The following CPEB1 variants were observed in gnomAD, a reference collection of about 807,000 sequenced individuals.
CPEB1 encodes cytoplasmic polyadenylation element-binding protein 1.
A neutral mutation model predicts 65.8 loss-of-function variants in CPEB1; 7 were observed. That is an observed-to-expected ratio of 0.11 (90% confidence interval 0.06 to 0.20). The LOEUF is 0.20. Among genes scored for constraint, CPEB1 ranks in the 10% least tolerant of loss-of-function variants. The pLI is 1.00. For missense variants in CPEB1, 551 were observed against 712.2 expected (o/e 0.77, Z 2.58); for synonymous variants, 262 against 260.0 (o/e 1.01, Z -0.08).
rs114690875 is a variant in CPEB1 at position 82,591,796 on chromosome 15, C to T, written c.272-20264G>A. 2.4e-3 allele frequency among the ~76,000 whole-genome samples: 355 copies of T among 150,988 alleles called. 3 individuals carry two copies. The highest frequency in any genetic ancestry group is 8.2e-3 in the African/African-American group (339 of 41,120). On this transcript the variant is annotated intron_variant, in intron 3 of 12. Coordinates refer to ENST00000684509, the MANE Select transcript of CPEB1 (RefSeq NM_001365242.1). ...CATACAATATTTAAAAATTTTTTCA[C>T]TTAGCATGTTTTTAAGATTCATCAT...
intron 3 of CPEB1, among the ~76,000 whole-genome samples, chr15:82,605,217 TACA>T (rs1302702817): frequency 6.6e-6 from 1 of 152,156 alleles, no homozygotes; most frequent in African/African-American, 2.4e-5. Flanking sequence ...AGACCTCCCC[TACA>T]ACAAATACTA....
At chr15:82,554,301 A>G (rs2036803533) in intron 6 of CPEB1, among the ~76,000 whole-genome samples, 2 of 152,192 alleles carry the variant, frequency 1.3e-5, no homozygotes, top group Admixed American at 1.3e-4. Context: ...GCTAACCACA[A>G]AGCAGTTTTA....
intron 3 of CPEB1, among the ~76,000 whole-genome samples, chr15:82,591,158 C>T (rs1462277764): frequency 6.6e-6 from 1 of 152,144 alleles, no homozygotes; most frequent in Admixed American, 6.5e-5. Flanking sequence ...TCCCTTTTCC[C>T]CCCCGCCACA....
intron 9 of CPEB1, among the ~76,000 whole-genome samples, chr15:82,550,960 C>A (rs576525127): frequency 6.6e-6 from 1 of 152,120 alleles, no homozygotes; most frequent in Admixed American, 6.5e-5. Flanking sequence ...TCTACAGGGG[C>A]ACTGAGGAGG....
At chr15:82,552,755 G>C (rs182628216) in intron 8 of CPEB1, 139 bp from the exon 9 acceptor site, 4 of 919,860 alleles carry the variant, frequency 4.3e-6, no homozygotes, top group Non-Finnish European at 6.7e-6. Flanking sequence ...CTGAAAAGTC[G>C]TGTTGAGTGG....
chr15:82,610,686 G>A (rs576952351), intron 3 of CPEB1, among the ~76,000 whole-genome samples: 71 of 151,820 alleles, frequency 4.7e-4, no homozygotes, highest in Non-Finnish European at 8.7e-4. Context: ...GGCCGGGCCC[G>A]GTCACTCACG....
chr15:82,641,362 G>A (rs1439026955), intron 1 of CPEB1, among the ~76,000 whole-genome samples: 1 of 152,178 alleles, frequency 6.6e-6, no homozygotes, highest in Non-Finnish European at 1.5e-5. Context: ...GTGTTAAGTA[G>A]TAAGAGATTA....
rs1270595315 is a variant in CPEB1, at chr15:82,544,053, A to T, written c.*539T>A. 1 of 152,394 alleles carries T rather than the reference A, an allele frequency of 6.6e-6. No individual in the cohort carries two copies. The highest frequency in any genetic ancestry group is 1.5e-5 in the Non-Finnish European group (1 of 68,108). The allele number at this position is 152,394 out of a possible 1,614,324, so 9.4% of individuals were successfully genotyped here. On this transcript the variant is annotated 3_prime_UTR_variant, in exon 13 of 13. Transcript: ENST00000684509. ...TTTAAATGAAGAGCAAAGTCTCCTT[A>T]TTGTTTACAGTAAAAAACACCAGCT...
chr15:82,549,002 A>G (rs1227681618), intron 10 of CPEB1, among the ~76,000 whole-genome samples: 1 of 152,132 alleles, frequency 6.6e-6, no homozygotes, highest in Non-Finnish European at 1.5e-5. Flanking sequence ...CACAGGCCAC[A>G]CTCTGTTGCC....
chr15:82,549,723 G>T, intron 9 of CPEB1, 65 bp from the exon 10 acceptor site: 1 of 1,466,948 alleles, frequency 6.8e-7, no homozygotes, highest in Non-Finnish European at 9.5e-7. Flanking sequence ...TGCTTGCACG[G>T]CAAGGTACGT....
chr15:82,631,983 T>TC (rs1656741900), intron 1 of CPEB1, among the ~76,000 whole-genome samples: 1 of 11,766 alleles, frequency 8.5e-5, no homozygotes, highest in Admixed American at 5.8e-4. Context: ...TTTTTTTCTC[T>TC]TTTTTTTTTT....
At chr15:82,632,230 C>A (rs1186437317) in intron 1 of CPEB1, among the ~76,000 whole-genome samples, 1 of 152,092 alleles carries the variant, frequency 6.6e-6, no homozygotes, top group Non-Finnish European at 1.5e-5. Context: ...GATCCGCCCA[C>A]CTTGGCCTCC....
chr15:82,632,277 C>A (rs933384414), intron 1 of CPEB1, among the ~76,000 whole-genome samples: 1 of 151,874 alleles, frequency 6.6e-6, no homozygotes, highest in Non-Finnish European at 1.5e-5. Flanking sequence ...CCACTGCGCC[C>A]AGCCAAATTC....
intron 1 of CPEB1, among the ~76,000 whole-genome samples, chr15:82,639,629 A>G (rs2046942276): frequency 6.6e-6 from 1 of 152,198 alleles, no homozygotes; most frequent in African/African-American, 2.4e-5. Context: ...TGTACAGAAA[A>G]GATTTAAAGT....
intron 3 of CPEB1, among the ~76,000 whole-genome samples, chr15:82,617,751 T>G (rs1423138071): frequency 7.2e-6 from 1 of 139,168 alleles, no homozygotes; most frequent in Non-Finnish European, 1.5e-5. Context: ...TTTTTTTTTT[T>G]GAGACGGAGT....
chr15:82,585,629 T>C (rs1022179748), intron 3 of CPEB1, among the ~76,000 whole-genome samples: 4 of 152,162 alleles, frequency 2.6e-5, no homozygotes, highest in Admixed American at 1.3e-4. Context: ...TAAGCACTCA[T>C]CTCATTCAAA....
chr15:82,576,207 A>T (rs2040629786), intron 3 of CPEB1, among the ~76,000 whole-genome samples: 1 of 152,234 alleles, frequency 6.6e-6, no homozygotes, highest in Non-Finnish European at 1.5e-5. Context: ...TAAGTTACAT[A>T]TGTATATAAT....
At chr15:82,584,994 T>C (rs2041668198) in intron 3 of CPEB1, among the ~76,000 whole-genome samples, 1 of 138,204 alleles carries the variant, frequency 7.2e-6, no homozygotes, top group Admixed American at 8.1e-5. Flanking sequence ...ATCCCCTAAA[T>C]AAACTTGAGT....
chr15:82,629,280 G>GT, intron 1 of CPEB1: 3 of 985,218 alleles, frequency 3.0e-6, no homozygotes, highest in Non-Finnish European at 3.6e-6. Flanking sequence ...CTGCTAATTT[G>GT]TATCTGCAAA....
Sources: gnomAD v4.1 joint callset for allele counts (sites outside exome capture counted in the v4.1 genomes callset) on GRCh38, gnomAD v4.1.1 for gene constraint, MANE v1.5 for transcripts, NCBI Gene and HGNC (gene_info 2026-07-23, HGNC 2026-07-21) for gene names.